EML5: variants seen among roughly 807,000 people sequenced by gnomAD.
EML5 encodes the protein echinoderm microtubule-associated protein-like 5.
Under a neutral mutation model 250.0 loss-of-function variants are expected in EML5, and 120 were observed. The ratio of observed to expected loss-of-function variants is 0.48; its 90% CI spans 0.41 to 0.56. The LOEUF is 0.56. EML5 is among the 20% of genes least tolerant of loss of function. EML5 has a pLI of 0.00. For missense variants in EML5, 2,006 were observed against 2,437.6 expected (o/e 0.82, Z 3.73); for synonymous variants, 771 against 806.5 (o/e 0.96, Z 0.75).
At chr14:88,643,423 A>C (rs567306364) in intron 30 of EML5, among the ~76,000 whole-genome samples, 2 of 152,340 alleles carry the variant, frequency 1.3e-5, no homozygotes, top group African/African-American at 2.4e-5. Flanking sequence ...ATTGTATAAC[A>C]AATATGTATA....
At chr14:88,738,389 T>C (rs946277097) in intron 6 of EML5, among the ~76,000 whole-genome samples, 8 of 150,648 alleles carry the variant, frequency 5.3e-5, no homozygotes, top group South Asian at 4.2e-4. Flanking sequence ...TCCTGTTTTA[T>C]TACATCAATT....
intron 22 of EML5, among the ~76,000 whole-genome samples, chr14:88,664,934 A>G (rs1468832136): frequency 2.0e-5 from 3 of 152,214 alleles, no homozygotes; most frequent in African/African-American, 7.2e-5. Flanking sequence ...CTAAACCAAC[A>G]TAAGTAAATT....
At chr14:88,660,641 G>C (rs189154283) in intron 25 of EML5, among the ~76,000 whole-genome samples, 2 of 152,036 alleles carry the variant, frequency 1.3e-5, no homozygotes, top group Non-Finnish European at 2.9e-5. Flanking sequence ...TACTCAGGGG[G>C]CTGAGGCAGG....
intron 1 of EML5, among the ~76,000 whole-genome samples, chr14:88,782,207 C>T (rs891328081): frequency 6.6e-5 from 10 of 152,184 alleles, no homozygotes; most frequent in African/African-American, 2.4e-4. Flanking sequence ...AAAGATCAAT[C>T]TTACTATGCA....
At position 88,730,726 on chromosome 14, in the gene EML5, G is replaced by A. The variant is rs567399766; in HGVS notation, c.1050-4048C>T. On this transcript the variant is annotated intron_variant, in intron 7 of 43. Transcript: ENST00000554922. ...GAATAGTCTGCATGAAACAACTAGA[G>A]ACAAGAATATATTCAAAATCATTGA... Among the ~76,000 whole-genome samples the A allele has an allele frequency of 3.3e-5, 5 of 152,166 alleles. No individual in the cohort carries two copies. In the South Asian group the frequency reaches 8.3e-4, roughly 25 times the overall value.
At position 88,773,299 on chromosome 14, in the gene EML5, C is replaced by T. The variant is rs549640113; in HGVS notation, c.198-18628G>A. Among the ~76,000 whole-genome samples, 5 of 152,306 alleles carry T rather than the reference C, an allele frequency of 3.3e-5. No homozygotes were observed. The East Asian group carries it at 5.8e-4, about 18-fold the overall frequency. The stretch of plus-strand genomic sequence containing the variant: ...CTGATAATGCAGGATATCTGTCTTT[C>T]GGTGTTTTCAGCTCATGATGACACT... On this transcript the variant is annotated intron_variant, in intron 1 of 43. Transcript: ENST00000554922.
intron 31 of EML5, 127 bp from the exon 32 acceptor site, chr14:88,639,034 T>G: frequency 3.0e-6 from 2 of 662,282 alleles, no homozygotes; most frequent in Non-Finnish European, 5.1e-6. Flanking sequence ...GAGCACTTAC[T>G]ATGTATACAG....
In EML5 at chr14:88,664,550, C is replaced by A; in HGVS notation, c.3352G>T (p.Val1118Leu). 1 of 1,611,274 alleles carries A rather than the reference C, an allele frequency of 6.2e-7. No homozygotes were observed. ...DIYNVMSSKR[V>L]GICKGATSYI... The stretch of plus-strand genomic sequence containing the variant: ...CTGGTAGCTCCTTTGCATATTCCTA[C>A]TCGTTTACTACTCATTACATTGTAT... The change falls in exon 23 of 44, where the codon GTA becomes TTA. Residue 1118 changes from valine to leucine, a missense_variant. This residue lies in a region of EML5 where 1,375 missense variants were observed against 1,590.3 expected (regional missense o/e 0.86). Transcript: ENST00000554922.
intron 20 of EML5, 82 bp downstream of exon 20, chr14:88,684,933 T>A: frequency 1.6e-6 from 2 of 1,216,558 alleles, no homozygotes; most frequent in Non-Finnish European, 2.2e-6. Flanking sequence ...TTATTTTTCA[T>A]CACTGTCAAC....
At chr14:88,643,649 T>TAATC (rs1162411650) in intron 30 of EML5, among the ~76,000 whole-genome samples, 1 of 152,220 alleles carries the variant, frequency 6.6e-6, no homozygotes, top group Non-Finnish European at 1.5e-5. Flanking sequence ...TGTTCATTGT[T>TAATC]AATCAAAGTA....
intron 21 of EML5, among the ~76,000 whole-genome samples, chr14:88,667,736 G>A (rs765110034): frequency 6.6e-6 from 1 of 152,152 alleles, no homozygotes. Flanking sequence ...GCATGAAGGG[G>A]GCCTGATGGC....
Position 88,614,463 on chromosome 14 carries a change from C to T in EML5, c.*1355G>A, listed in dbSNP as rs1310157018. 6.6e-6 allele frequency: 1 copy of T among 152,102 alleles called. No homozygotes were observed. The highest frequency in any genetic ancestry group is 6.6e-5 in the Admixed American group (1 of 15,258). 9.4% of individuals were successfully genotyped at this position (152,102 alleles called of 1,614,324 possible). A position where few individuals can be genotyped will look rare whatever the true frequency, so the allele number is the denominator to read the frequency against. The stretch of plus-strand genomic sequence containing the variant: ...TTTTTAGTATTAACCAAGTATTAGA[C>T]ACAGAAAATAGGTATTAAGAATCTT... On this transcript the variant is annotated 3_prime_UTR_variant, in exon 44 of 44. Transcript: ENST00000554922.
intron 1 of EML5, among the ~76,000 whole-genome samples, chr14:88,769,249 T>C (rs1312084012): frequency 6.6e-6 from 1 of 152,154 alleles, no homozygotes; most frequent in Non-Finnish European, 1.5e-5. Context: ...TTCTCATGAA[T>C]GGTTTACACC....
At chr14:88,750,070 C>G (rs533495148) in intron 2 of EML5, among the ~76,000 whole-genome samples, 1 of 152,260 alleles carries the variant, frequency 6.6e-6, no homozygotes, top group South Asian at 2.1e-4. Context: ...CAATGCAGAG[C>G]TGAGTAGTTA....
intron 8 of EML5, among the ~76,000 whole-genome samples, chr14:88,719,547 G>A (rs1035758126): frequency 8.5e-5 from 13 of 152,120 alleles, no homozygotes; most frequent in Non-Finnish European, 2.9e-5. Context: ...AGAAGGAATG[G>A]GTGCCTCTGA....
At position 88,625,037 on chromosome 14, in the gene EML5, C is replaced by T. The variant is rs909991021; in HGVS notation, c.4831G>A (p.Gly1611Arg). The T allele has an allele frequency of 1.2e-6, 2 of 1,612,986 alleles. No individual in the cohort carries two copies. The highest frequency in any genetic ancestry group is 2.2e-5 in the East Asian group (1 of 44,790). Residue 1611 changes from glycine (G) to arginine (R), a missense_variant, in exon 36 of 44, where the codon GGG (glycine) becomes AGG (arginine). Gly to Arg is a moderately radical substitution (Grantham distance 125, BLOSUM62 -2). Around this residue, in one of 7 missense-constraint regions of EML5, gnomAD observed 405 missense variants for 523.3 expected, o/e 0.77. Transcript: ENST00000554922. ...LCRIVARAHNGPVFAMYTTLR... is the reference protein window; with the variant it reads ...LCRIVARAHNRPVFAMYTTLR... ...GTGGTGTACATGGCAAACACAGGCC[C>T]GTTGTGAGCTCTCGCCACGATTCTA...
At position 88,626,730 on chromosome 14, in the gene EML5, G is replaced by A. The variant is rs545807263; in HGVS notation, c.4740+108C>T. 2.3e-5 allele frequency: 25 copies of A among 1,090,820 alleles called. No homozygotes were observed. In the East Asian group the frequency reaches 5.4e-4, roughly 24 times the overall value. The allele number at this position is 1,090,820 out of a possible 1,614,324, so 67.6% of individuals were successfully genotyped here. On this transcript the variant is annotated intron_variant, in intron 35 of 43. Transcript: ENST00000554922. Reference sequence around the variant, plus strand: ...TATATGCTTGACCAGGGCATGTAATGATTAGCAGATCACAGTATCATCTCA... The same window carrying A: ...TATATGCTTGACCAGGGCATGTAATAATTAGCAGATCACAGTATCATCTCA...
chr14:88,738,623 C>CA (rs1477262726), intron 6 of EML5, among the ~76,000 whole-genome samples: 1 of 152,092 alleles, frequency 6.6e-6, no homozygotes. Flanking sequence ...GAGTACCTCT[C>CA]ACATCTCTCT....
At position 88,649,912 on chromosome 14, in the gene EML5, C is replaced by G; in HGVS notation, c.4019G>C (p.Arg1340Thr). 7 of 1,488,104 alleles carry G rather than the reference C, an allele frequency of 4.7e-6. No homozygotes were observed. The South Asian group carries it at 9.7e-5, about 21-fold the overall frequency. The allele number at this position is 1,488,104 out of a possible 1,614,324, so 92.2% of individuals were successfully genotyped here. Reference sequence around the variant, plus strand: ...ATATTTTCTTTTATAAAACACTTACCTTACTACTCCCTGCCTTCAAAAGGA... The same window carrying G: ...ATATTTTCTTTTATAAAACACTTACGTTACTACTCCCTGCCTTCAAAAGGA... ...PSIDERQGVVRGSRPPVSRAP... is the reference protein window; with the variant it reads ...PSIDERQGVVTGSRPPVSRAP... Residue 1340 changes from arginine (R) to threonine (T), a missense_variant and splice_region_variant, in exon 28 of 44, where the codon AGA becomes ACA. Arg to Thr is a moderately conservative substitution (Grantham distance 71, BLOSUM62 -1). Transcript: ENST00000554922.
Sources: gnomAD v4.1 joint callset for allele counts (sites outside exome capture counted in the v4.1 genomes callset) on GRCh38, gnomAD v4.1.1 for gene constraint, gnomAD v4.1.1 regional missense constraint, MANE v1.5 for transcripts, NCBI Gene and HGNC (gene_info 2026-07-23, HGNC 2026-07-21) for gene names.